The following DPY19L3 variants were observed in gnomAD, a reference collection of about 807,000 sequenced individuals.
DPY19L3 encodes protein C-mannosyl-transferase DPY19L3.
In DPY19L3, 51 loss-of-function variants were observed where a neutral mutation model predicts 92.3. The ratio of observed to expected loss-of-function variants is 0.55; its 90% CI spans 0.44 to 0.70. DPY19L3 has a LOEUF of 0.70. Among genes scored for constraint, DPY19L3 ranks in the 30% least tolerant of loss-of-function variants. The pLI is 0.00. For synonymous variants in DPY19L3, 309 were observed against 315.2 expected, an observed-to-expected ratio of 0.98 and a Z score of 0.21; for missense variants, 706 against 855.9, an observed-to-expected ratio of 0.82 and a Z score of 2.18.
chr19:32,475,367 G>A, intron 16 of DPY19L3, among the ~76,000 whole-genome samples: 1 of 152,132 alleles, frequency 6.6e-6, no homozygotes, highest in Non-Finnish European at 1.5e-5. Context: ...TCCACCTCCT[G>A]CTCTGCCAGG....
At chr19:32,420,443 G>C (rs926780154) in intron 3 of DPY19L3, among the ~76,000 whole-genome samples, 33 of 147,924 alleles carry the variant, frequency 2.2e-4, no homozygotes, top group African/African-American at 8.2e-4. Context: ...TAGTAGTTTT[G>C]TTTTTTTTTG....
Position 32,408,414 on chromosome 19 carries a change from T to C in DPY19L3, c.103+58T>C, listed in dbSNP as rs958446328. On this transcript the variant is annotated intron_variant, in intron 2 of 18. Transcript: ENST00000392250. ...TTGCTTTTATTTCTGCATATTAAAA[T>C]GTCACTCTCCAATAGGATAAAAATT... 3.3e-5 allele frequency: 43 copies of C among 1,291,774 alleles called. No homozygotes were observed. In the African/African-American group the frequency reaches 6.0e-4, roughly 18 times the overall value. The allele number at this position is 1,291,774 out of a possible 1,614,324, so 80.0% of individuals were successfully genotyped here.
chr19:32,406,782 G>T (rs1055236698), intron 1 of DPY19L3, among the ~76,000 whole-genome samples: 4 of 152,024 alleles, frequency 2.6e-5, no homozygotes, highest in African/African-American at 9.7e-5. Flanking sequence ...ACACATAATT[G>T]GTACTTAAAT....
chr19:32,470,245 CA>C (rs1402319747), intron 16 of DPY19L3, among the ~76,000 whole-genome samples: 1 of 152,170 alleles, frequency 6.6e-6, no homozygotes. Flanking sequence ...ATAATTCCTT[CA>C]GTATTTATTA....
At chr19:32,477,761 T>G (rs756808754) in intron 17 of DPY19L3, 107 bp downstream of exon 17, 22 of 1,433,270 alleles carry the variant, frequency 1.5e-5, no homozygotes, top group Non-Finnish European at 2.1e-5. Flanking sequence ...CAGCATTAGG[T>G]TAGGAGGATG....
rs1970710664 is a variant in DPY19L3 at position 32,482,724 on chromosome 19, C to G, written c.*484C>G. On this transcript the variant is annotated 3_prime_UTR_variant, in exon 19 of 19. Transcript: ENST00000392250. ...AAAGCACTTTAGTGTCCTGTTTTACCTTAAAATGTTATAATATTTTCCAGT... is the reference window on the plus strand; with the variant it reads ...AAAGCACTTTAGTGTCCTGTTTTACGTTAAAATGTTATAATATTTTCCAGT... The G allele has an allele frequency of 6.5e-6, 1 of 152,724 alleles. No homozygotes were observed. The highest frequency in any genetic ancestry group is 1.5e-5 in the Non-Finnish European group (1 of 68,440). The allele number at this position is 152,724 out of a possible 1,614,324, so 9.5% of individuals were successfully genotyped here.
At chr19:32,477,392 G>A (rs878891666) in intron 16 of DPY19L3, 130 bp from the exon 17 acceptor site, 15 of 1,249,906 alleles carry the variant, frequency 1.2e-5, no homozygotes, top group African/African-American at 1.5e-5. Flanking sequence ...GCAAACTCCC[G>A]TTTTTTTTCC....
Position 32,464,794 on chromosome 19 carries a change from A to G in DPY19L3, c.1614+10A>G, listed in dbSNP as rs1205686187. The G allele has an allele frequency of 1.3e-6, 2 of 1,496,530 alleles. No individual in the cohort carries two copies. The highest frequency in any genetic ancestry group is 1.8e-6 in the Non-Finnish European group (2 of 1,106,360). The allele number at this position is 1,496,530 out of a possible 1,614,324, so 92.7% of individuals were successfully genotyped here. A position where few individuals can be genotyped will look rare whatever the true frequency, so the allele number is the denominator to read the frequency against. The stretch of plus-strand genomic sequence containing the variant: ...GTATCTATGCTATAAGGTAAGACTG[A>G]TTTTCCTCATTCTTGTCATTCATGT... On this transcript the variant is annotated intron_variant, in intron 15 of 18. Coordinates refer to ENST00000392250, the MANE Select transcript of DPY19L3 (RefSeq NM_001172774.2).
intron 3 of DPY19L3, 55 bp from the exon 4 acceptor site, chr19:32,432,661 A>G (rs1310099291): frequency 2.8e-6 from 4 of 1,432,992 alleles, no homozygotes; most frequent in Non-Finnish European, 3.9e-6. Flanking sequence ...CAGTAACAAT[A>G]TGTATTTAAA....
chr19:32,427,389 G>A (rs1202988107), intron 3 of DPY19L3, among the ~76,000 whole-genome samples: 2 of 152,090 alleles, frequency 1.3e-5, no homozygotes, highest in Non-Finnish European at 2.9e-5. Context: ...GCAATGATAA[G>A]GAAGGCAGTT....
chr19:32,479,567 T>C (rs899380372), intron 17 of DPY19L3: 1 of 422,574 alleles, frequency 2.4e-6, no homozygotes, highest in Non-Finnish European at 4.7e-6. Flanking sequence ...CACCCATCCA[T>C]GTGGACACAT....
chr19:32,423,678 G>A (rs1045943441), intron 3 of DPY19L3, among the ~76,000 whole-genome samples: 6 of 152,108 alleles, frequency 3.9e-5, no homozygotes, highest in African/African-American at 1.4e-4. Flanking sequence ...AGTGTAATAC[G>A]TATAACACAA....
chr19:32,414,461 G>T (rs1021202688), intron 3 of DPY19L3, among the ~76,000 whole-genome samples: 4 of 151,438 alleles, frequency 2.6e-5, no homozygotes, highest in African/African-American at 9.7e-5. Context: ...AGGCATGGTG[G>T]CACATGCCTG....
At chr19:32,411,030 A>G (rs1175054689) in intron 2 of DPY19L3, among the ~76,000 whole-genome samples, 1 of 152,218 alleles carries the variant, frequency 6.6e-6, no homozygotes, top group East Asian at 1.9e-4. Flanking sequence ...AGTTGGCAGA[A>G]TGGACACATG....
At chr19:32,407,002 C>CTT (rs11428433) in intron 1 of DPY19L3, among the ~76,000 whole-genome samples, 133 of 132,248 alleles carry the variant, frequency 1.0e-3, no homozygotes, top group South Asian at 9.9e-3. Context: ...TGGCTTCCTG[C>CTT]TTTTTTTTTT....
intron 4 of DPY19L3, among the ~76,000 whole-genome samples, chr19:32,433,454 G>A (rs1055415236): frequency 1.3e-5 from 2 of 152,178 alleles, no homozygotes; most frequent in Non-Finnish European, 2.9e-5. Flanking sequence ...GTCTCACTCT[G>A]TCGTCCAGGC....
At chr19:32,419,015 T>G (rs989132003) in intron 3 of DPY19L3, among the ~76,000 whole-genome samples, 13 of 152,114 alleles carry the variant, frequency 8.5e-5, no homozygotes, top group African/African-American at 3.1e-4. Flanking sequence ...AAATTTTAAG[T>G]TATTTTTCTA....
At chr19:32,418,767 T>G (rs1968462215) in intron 3 of DPY19L3, among the ~76,000 whole-genome samples, 2 of 152,194 alleles carry the variant, frequency 1.3e-5, no homozygotes, top group Admixed American at 1.3e-4. Context: ...ACTTTGATTT[T>G]ATTTTTGAAT....
chr19:32,445,438 C>A (rs1468630109), intron 8 of DPY19L3, among the ~76,000 whole-genome samples: 1 of 2,846 alleles, frequency 3.5e-4, no homozygotes, highest in Admixed American at 3.2e-3. Context: ...GAGACTTCAT[C>A]TCAAAAAAAA....
Sources: gnomAD v4.1 joint callset for allele counts (sites outside exome capture counted in the v4.1 genomes callset) on GRCh38, gnomAD v4.1.1 for gene constraint, MANE v1.5 for transcripts, NCBI Gene and HGNC (gene_info 2026-07-23, HGNC 2026-07-21) for gene names.